The following RTN1 variants were observed in gnomAD, a reference collection of about 807,000 sequenced individuals.
The protein encoded by RTN1 is reticulon-1.
Under a neutral mutation model 65.5 loss-of-function variants are expected in RTN1, and 25 were observed. The observed-to-expected ratio is 0.38, with a 90% CI of 0.28 to 0.53. The LOEUF (loss-of-function observed/expected upper bound fraction) is 0.53, where lower values mean the gene tolerates loss of function less well. Ranked by LOEUF, RTN1 falls within the 20% of genes least tolerant of loss-of-function variation. The pLI is 0.79. For synonymous variants in RTN1, 471 were observed against 447.6 expected (o/e 1.05, Z -0.66); for missense variants, 983 against 1,025.4 (o/e 0.96, Z 0.57).
chr14:59,796,663 C>T (rs1318027922), intron 1 of RTN1, among the ~76,000 whole-genome samples: 2 of 152,136 alleles, frequency 1.3e-5, no homozygotes, highest in Admixed American at 6.6e-5. Flanking sequence ...TATTCATCTC[C>T]TCCTGGTCTA....
chr14:59,815,185 A>T (rs1886797725), intron 1 of RTN1, among the ~76,000 whole-genome samples: 1 of 152,218 alleles, frequency 6.6e-6, no homozygotes, highest in Non-Finnish European at 1.5e-5. Context: ...ATAGGCACTG[A>T]TGACCATCCT....
intron 4 of RTN1, 108 bp from the exon 5 acceptor site, chr14:59,605,614 G>C: frequency 8.3e-7 from 1 of 1,202,624 alleles, no homozygotes. Context: ...GAGGGTGAGA[G>C]CAGGAGTCAT....
intron 4 of RTN1, chr14:59,606,126 A>ATATATATATATATATATATATATATC (rs66961672): frequency 8.1e-6 from 1 of 124,124 alleles, no homozygotes; most frequent in Non-Finnish European, 1.6e-5. Context: ...ATATATATAT[A>ATATATATATATATATATATATATATC]TCATACCAGC....
chr14:59,819,877 G>A (rs896783755), intron 1 of RTN1, among the ~76,000 whole-genome samples: 1 of 152,198 alleles, frequency 6.6e-6, no homozygotes, highest in Non-Finnish European at 1.5e-5. Flanking sequence ...GGGGCCCCTT[G>A]AGCCCGCGCC....
Position 59,706,036 on chromosome 14 carries a change from T to G in RTN1, c.1765+20883A>C, listed in dbSNP as rs78562593. Among the ~76,000 whole-genome samples, 739 of 152,278 alleles carry G rather than the reference T, an allele frequency of 4.9e-3. 5 individuals carry two copies. The highest frequency in any genetic ancestry group is 0.017 in the African/African-American group (712 of 41,556). On this transcript the variant is annotated intron_variant, in intron 3 of 8. Coordinates refer to ENST00000267484, the MANE Select transcript of RTN1 (RefSeq NM_021136.3). ...GTTCATCCAGAAGGAATGCAATTGT[T>G]GTGGACTTCCTCCATTGAATCTACA...
chr14:59,764,064 G>A (rs993988908), intron 1 of RTN1, among the ~76,000 whole-genome samples: 4 of 152,060 alleles, frequency 2.6e-5, no homozygotes, highest in African/African-American at 9.7e-5. Context: ...AGAACTAATA[G>A]CAAAACCAAA....
chr14:59,797,115 G>A (rs775657085), intron 1 of RTN1, among the ~76,000 whole-genome samples: 6 of 152,102 alleles, frequency 3.9e-5, no homozygotes, highest in Admixed American at 6.6e-5. Context: ...TTGCTTCCAT[G>A]GATGATTCCT....
At chr14:59,744,784 G>C (rs754847931) in intron 2 of RTN1, among the ~76,000 whole-genome samples, 2 of 152,034 alleles carry the variant, frequency 1.3e-5, no homozygotes, top group Non-Finnish European at 2.9e-5. Context: ...TTAGAGCTAG[G>C]GACAGGAATG....
chr14:59,644,452 A>T (rs549390765), intron 3 of RTN1, among the ~76,000 whole-genome samples: 38 of 152,294 alleles, frequency 2.5e-4, no homozygotes, highest in Non-Finnish European at 4.3e-4. Context: ...GGCCTGTGGT[A>T]TGACATGTAG....
intron 1 of RTN1, among the ~76,000 whole-genome samples, chr14:59,786,125 A>G (rs932546654): frequency 1.3e-5 from 2 of 152,224 alleles, no homozygotes; most frequent in African/African-American, 4.8e-5. Context: ...TGAGGACCAC[A>G]GGCAGCATAG....
At chr14:59,690,801 A>G (rs1169981845) in intron 3 of RTN1, among the ~76,000 whole-genome samples, 1 of 152,170 alleles carries the variant, frequency 6.6e-6, no homozygotes, top group Admixed American at 6.5e-5. Context: ...TCAAAACCAT[A>G]TAACTGCATG....
intron 3 of RTN1, among the ~76,000 whole-genome samples, chr14:59,705,312 T>C (rs1884268016): frequency 1.3e-5 from 2 of 152,180 alleles, no homozygotes; most frequent in South Asian, 4.1e-4. Flanking sequence ...TTACGTTTAA[T>C]TGTACAGAGG....
intron 3 of RTN1, among the ~76,000 whole-genome samples, chr14:59,652,772 T>C (rs1460590923): frequency 6.6e-6 from 1 of 152,044 alleles, no homozygotes; most frequent in Non-Finnish European, 1.5e-5. Context: ...AGCTTAGCTA[T>C]ATAGCAAACC....
At chr14:59,665,019 C>T (rs182211416) in intron 3 of RTN1, among the ~76,000 whole-genome samples, 1 of 152,208 alleles carries the variant, frequency 6.6e-6, no homozygotes, top group East Asian at 1.9e-4. Context: ...CTGCTTATGA[C>T]TTTAGCCATT....
chr14:59,662,106 T>C (rs1475905827), intron 3 of RTN1, among the ~76,000 whole-genome samples: 1 of 152,066 alleles, frequency 6.6e-6, no homozygotes, highest in Non-Finnish European at 1.5e-5. Context: ...ACAAGCATTC[T>C]TTTTATTTTA....
At chr14:59,667,099 A>C (rs1001856100) in intron 3 of RTN1, among the ~76,000 whole-genome samples, 1 of 152,074 alleles carries the variant, frequency 6.6e-6, no homozygotes, top group African/African-American at 2.4e-5. Flanking sequence ...ATCCTCCCTA[A>C]CTCATTTTAT....
At chr14:59,806,172 G>A (rs913139289) in intron 1 of RTN1, among the ~76,000 whole-genome samples, 5 of 151,778 alleles carry the variant, frequency 3.3e-5, no homozygotes, top group African/African-American at 1.2e-4. Context: ...GGAGGCGGAG[G>A]GTATAGTGAG....
At chr14:59,814,695 C>A (rs1256136243) in intron 1 of RTN1, among the ~76,000 whole-genome samples, 1 of 152,194 alleles carries the variant, frequency 6.6e-6, no homozygotes, top group Non-Finnish European at 1.5e-5. Flanking sequence ...GAAAGTTAAT[C>A]TTCAAATGAT....
At chr14:59,712,096 T>C (rs900435336) in intron 3 of RTN1, among the ~76,000 whole-genome samples, 3 of 152,164 alleles carry the variant, frequency 2.0e-5, no homozygotes, top group African/African-American at 7.2e-5. Flanking sequence ...AAGCCAGAAA[T>C]ACATGTTTGT....
Sources: allele counts gnomAD v4.1 joint callset (sites outside exome capture counted in the v4.1 genomes callset), GRCh38; gene constraint gnomAD v4.1.1; transcripts MANE v1.5; gene names NCBI Gene and HGNC (gene_info 2026-07-23, HGNC 2026-07-21).